Variants in ANKHD1 observed in about 807,000 individuals in gnomAD.
ANKHD1 encodes the protein ankyrin repeat and KH domain containing 1, also known as ankyrin repeat and KH domain-containing protein 1.
In ANKHD1, 31 loss-of-function variants were observed where a neutral mutation model predicts 230.5. The ratio of observed to expected loss-of-function variants is 0.13; its 90% confidence interval spans 0.10 to 0.18. The LOEUF (loss-of-function observed/expected upper bound fraction) is 0.18. Among genes scored for constraint, ANKHD1 ranks in the 10% least tolerant of loss-of-function variants. The pLI, the probability that ANKHD1 is intolerant of heterozygous loss-of-function variation, is 1.00. For synonymous variants in ANKHD1, 1,074 were observed against 1,117.6 expected (o/e 0.96, Z 0.78); for missense variants, 2,256 against 3,071.3 (o/e 0.73, Z 6.27).
At chr5:140,452,497 G>A (rs1055569623) in intron 7 of ANKHD1, among the ~76,000 whole-genome samples, 1 of 152,080 alleles carries the variant, frequency 6.6e-6, no homozygotes, top group African/African-American at 2.4e-5. Context: ...CACCTCACAC[G>A]GCCGGGTATC....
intron 5 of ANKHD1, among the ~76,000 whole-genome samples, chr5:140,441,532 A>T (rs531613797): frequency 6.6e-6 from 1 of 152,144 alleles, no homozygotes; most frequent in Non-Finnish European, 1.5e-5. Context: ...GGACATAGGT[A>T]TGCATGATCT....
At chr5:140,469,721 C>A (rs1168008014) in intron 10 of ANKHD1, among the ~76,000 whole-genome samples, 1 of 151,910 alleles carries the variant, frequency 6.6e-6, no homozygotes, top group East Asian at 1.9e-4. Flanking sequence ...ATATCTTTCA[C>A]CATAGAATTT....
chr5:140,455,888 A>G (rs1255339735), intron 7 of ANKHD1, among the ~76,000 whole-genome samples: 3 of 152,220 alleles, frequency 2.0e-5, no homozygotes, highest in African/African-American at 7.2e-5. Context: ...AGAAAGAAAT[A>G]AAGGGTATTC....
chr5:140,486,777 T>C, intron 13 of ANKHD1, 181 bp from the exon 14 acceptor site: 1 of 463,988 alleles, frequency 2.2e-6, no homozygotes, highest in Non-Finnish European at 3.8e-6. Context: ...ATTCCCCGAC[T>C]GTCTAATCAT....
intron 5 of ANKHD1, among the ~76,000 whole-genome samples, chr5:140,442,903 C>CT (rs201131647): frequency 2.7e-5 from 4 of 150,488 alleles, no homozygotes; most frequent in South Asian, 2.1e-4. Flanking sequence ...ATTTTATTAA[C>CT]TTTTTTTTTG....
Position 140,445,343 on chromosome 5 carries a change from A to G in ANKHD1, c.914-399A>G, listed in dbSNP as rs1372341503. ...AACATGGTGAAACCCTGTCTCTCCT[A>G]AAAATACAAAATTAGTGGGGCATGG... On this transcript the variant is annotated intron_variant, in intron 5 of 33. Coordinates refer to ENST00000360839, the MANE Select transcript of ANKHD1 (RefSeq NM_017747.3). 2.0e-5 allele frequency among the ~76,000 whole-genome samples: 3 copies of G among 152,110 alleles called. No homozygotes were observed. In the East Asian group the frequency reaches 5.8e-4, roughly 29 times the overall value.
At chr5:140,427,172 C>T (rs896069900) in intron 1 of ANKHD1, among the ~76,000 whole-genome samples, 3 of 147,082 alleles carry the variant, frequency 2.0e-5, no homozygotes, top group South Asian at 4.3e-4. Context: ...CCCTCCCGGA[C>T]GGGGCAGCTG....
intron 10 of ANKHD1, among the ~76,000 whole-genome samples, chr5:140,467,494 T>C (rs937608022): frequency 1.1e-4 from 17 of 152,266 alleles, no homozygotes; most frequent in Admixed American, 5.2e-4. Flanking sequence ...GTGTGAGGAT[T>C]GCATGAGCCC....
chr5:140,524,197 G>A lies in ANKHD1; in HGVS notation c.4449G>A (p.Ser1483=), dbSNP rs760290949. 6 of 1,596,288 alleles carry A rather than the reference G, an allele frequency of 3.8e-6. No individual in the cohort carries two copies. The highest frequency in any genetic ancestry group is 3.4e-6 in the Non-Finnish European group (4 of 1,175,550). The part of the protein sequence containing the change: ...EDEENKPKEN[S]ELPEDEDEEE... ...AAGAAAACAAACCTAAGGAGAATTC[G>A]GAACTACCAGAGGATGAAGATGAAG... The change falls in exon 25 of 34, where the codon TCG becomes TCA. Residue 1483 remains serine (S), a synonymous_variant. Transcript: ENST00000360839.
At chr5:140,471,846 T>TA (rs904820802) in intron 10 of ANKHD1, among the ~76,000 whole-genome samples, 9 of 152,196 alleles carry the variant, frequency 5.9e-5, no homozygotes, top group Admixed American at 4.6e-4. Context: ...CTATTTATCT[T>TA]ACAGTATTTT....
chr5:140,432,942 A>G (rs1050149839), intron 1 of ANKHD1, among the ~76,000 whole-genome samples: 4 of 151,670 alleles, frequency 2.6e-5, no homozygotes, highest in Non-Finnish European at 5.9e-5. Context: ...GCCTCAAATG[A>G]TCCCCCCCAC....
chr5:140,485,929 A>T lies in ANKHD1; in HGVS notation c.2142+197A>T, dbSNP rs533335180. 11 of 792,234 alleles carry T rather than the reference A, an allele frequency of 1.4e-5. No homozygotes were observed. The highest frequency in any genetic ancestry group is 1.1e-4 in the African/African-American group (6 of 55,980). 49.1% of individuals were successfully genotyped at this position (792,234 alleles called of 1,614,324 possible). On this transcript the variant is annotated intron_variant, in intron 13 of 33. Transcript: ENST00000360839. This position sits in a 1 kb window ranked among gnomAD's most constrained non-coding sequence, Gnocchi z 4.8. ...ATTTGTTATTGCCTTATTTATTGAG[A>T]ATAGTGGTTTTTAAAAACCACTTAA...
At chr5:140,500,665 A>AG (rs1554092037) in intron 15 of ANKHD1, among the ~76,000 whole-genome samples, 21 of 115,512 alleles carry the variant, frequency 1.8e-4, no homozygotes, top group African/African-American at 6.0e-4. Context: ...AAAAAAAAAA[A>AG]AAAAGAAAAG....
chr5:140,424,907 G>C (rs746630677), intron 1 of ANKHD1, among the ~76,000 whole-genome samples: 4 of 152,124 alleles, frequency 2.6e-5, no homozygotes, highest in Admixed American at 2.0e-4. Flanking sequence ...ACATGGTTTT[G>C]TGATCTTGGG....
chr5:140,473,899 G>A (rs778370794), intron 10 of ANKHD1, among the ~76,000 whole-genome samples: 1 of 152,068 alleles, frequency 6.6e-6, no homozygotes, highest in South Asian at 2.1e-4. Flanking sequence ...GCAGCCCCAC[G>A]TTTACAGGTT....
intron 24 of ANKHD1, among the ~76,000 whole-genome samples, chr5:140,519,201 C>T (rs1172769905): frequency 6.6e-6 from 1 of 152,092 alleles, no homozygotes; most frequent in East Asian, 1.9e-4. Flanking sequence ...GAATAAAATA[C>T]CTAGGAATCC....
intron 1 of ANKHD1, among the ~76,000 whole-genome samples, chr5:140,425,511 A>T (rs979986966): frequency 3.3e-5 from 5 of 150,926 alleles, no homozygotes; most frequent in Admixed American, 1.3e-4. Context: ...TGCCCACCTT[A>T]GCCTCGCTAA....
chr5:140,449,259 A>G lies in ANKHD1; in HGVS notation c.1196A>G (p.Glu399Gly). 1 of 1,613,870 alleles carries G rather than the reference A, an allele frequency of 6.2e-7. No homozygotes were observed. The highest frequency in any genetic ancestry group is 8.5e-7 in the Non-Finnish European group (1 of 1,179,868). The change falls in exon 7 of 34, where the codon GAG becomes GGG. Residue 399 changes from glutamate (E) to glycine (G), a missense_variant. Around this residue, in one of 13 missense-constraint regions of ANKHD1, gnomAD observed 9 missense variants for 38.9 expected, o/e 0.23. Transcript: ENST00000360839. Reference sequence around the variant, plus strand: ...CTACTTGAAGCTGGTGCAGATCAAGAGCACAAAACAGATGAGATGCACACT... The same window carrying G: ...CTACTTGAAGCTGGTGCAGATCAAGGGCACAAAACAGATGAGATGCACACT... The part of the protein sequence containing the change: ...RFLLEAGADQ[E>G]HKTDEMHTAL...
chr5:140,487,262 T>C (rs1751553223), intron 14 of ANKHD1, among the ~76,000 whole-genome samples: 1 of 152,208 alleles, frequency 6.6e-6, no homozygotes, highest in African/African-American at 2.4e-5. Context: ...CCTGTTAACA[T>C]ACTGATAGTT....
Sources: gnomAD v4.1 joint callset for allele counts (sites outside exome capture counted in the v4.1 genomes callset) on GRCh38, gnomAD v4.1.1 for gene constraint, gnomAD v4.1.1 regional missense constraint, Gnocchi (gnomAD v3.1) non-coding constraint, MANE v1.5 for transcripts, NCBI Gene and HGNC (gene_info 2026-07-23, HGNC 2026-07-21) for gene names.